The following NLGN3 variants were observed in gnomAD, a reference collection of about 807,000 sequenced individuals.
NLGN3 encodes the protein neuroligin 3.
NLGN3 carries 11 observed loss-of-function variants against 42.9 expected under a neutral mutation model. That is an observed-to-expected ratio of 0.26 (90% CI 0.16 to 0.42). NLGN3 has a LOEUF of 0.42. Among genes scored for constraint, NLGN3 ranks in the 10% least tolerant of loss-of-function variants. The pLI, the probability that NLGN3 is intolerant of heterozygous loss-of-function variation, is 1.00. For missense variants in NLGN3, 374 were observed against 733.8 expected, an observed-to-expected ratio of 0.51 and a Z score of 5.67; for synonymous variants, 279 against 312.7, an observed-to-expected ratio of 0.89 and a Z score of 1.14.
chrX:71,160,213 C>CTTTTTTTTT (rs754499358), intron 5 of NLGN3, among the ~76,000 whole-genome samples: 2 of 95,745 alleles, frequency 2.1e-5, no homozygotes, highest in African/African-American at 3.9e-5. Context: ...TTCTTTCTTT[C>CTTTTTTTTT]TTTTTTTTTT....
intron 1 of NLGN3, among the ~76,000 whole-genome samples, chrX:71,147,231 C>G (rs1026920377): frequency 8.9e-6 from 1 of 111,789 alleles, no homozygotes; most frequent in African/African-American, 3.3e-5. Context: ...CTCCCCACCC[C>G]CTGGCTGTCA....
chrX:71,164,375 T>G (rs1267131197), intron 6 of NLGN3, 47 bp downstream of exon 6: 3 of 1,149,705 alleles, frequency 2.6e-6, no homozygotes, highest in Non-Finnish European at 3.5e-6. Context: ...GTGCCGGCTG[T>G]CCCAGCATGC....
At chrX:71,145,698 T>C (rs1435332494) in intron 1 of NLGN3, among the ~76,000 whole-genome samples, 2 of 107,089 alleles carry the variant, frequency 1.9e-5, no homozygotes, top group Admixed American at 1.0e-4. Context: ...CTGCAGGGAA[T>C]TGACTCAAAG....
chrX:71,174,968 C>T (rs1019037840), downstream of NLGN3, among the ~76,000 whole-genome samples: 1 of 112,007 alleles, frequency 8.9e-6, no homozygotes, highest in Non-Finnish European at 1.9e-5. Context: ...ACTAAGAGTA[C>T]AACTTTCAGA....
At chrX:71,150,236 G>C (rs577478116) in intron 3 of NLGN3, among the ~76,000 whole-genome samples, 8 of 111,715 alleles carry the variant, frequency 7.2e-5, no homozygotes, top group African/African-American at 2.6e-4. Flanking sequence ...AAAGAGTACA[G>C]GTCTGGGAAG....
At chrX:71,172,779 T>C (rs1371787470), downstream of NLGN3, among the ~76,000 whole-genome samples, 3 of 111,051 alleles carry the variant, frequency 2.7e-5, no homozygotes, top group Admixed American at 9.7e-5. Context: ...GCTGATGACC[T>C]GTTCTCCGTT....
intron 6 of NLGN3, among the ~76,000 whole-genome samples, chrX:71,166,803 G>A (rs2092448762): frequency 1.8e-5 from 2 of 111,728 alleles, no homozygotes; most frequent in South Asian, 3.7e-4. Context: ...ACCAGCCATC[G>A]CACCAGGACA....
At chrX:71,162,520 C>T (rs2092433899) in intron 5 of NLGN3, among the ~76,000 whole-genome samples, 1 of 112,176 alleles carries the variant, frequency 8.9e-6, no homozygotes, top group South Asian at 3.7e-4. Context: ...GCAAGGGTTC[C>T]TTCTTCATCC....
chrX:71,169,802 G>C lies in NLGN3; in HGVS notation c.2252G>C (p.Gly751Ala), dbSNP rs2092464282. ...LRQPSPQRGA[G>A]APELGAAPEE... is the part of the protein sequence containing the mutation. ...CAGCCTAGCCCTCAGCGGGGAGCCG[G>C]GGCCCCGGAGTTGGGAGCTGCTCCA... Residue 751 changes from glycine (G) to alanine (A), a missense_variant, in exon 8 of 8, where the codon GGG becomes GCG. By Grantham distance (60) the Gly-to-Ala change is moderately conservative. Coordinates refer to ENST00000358741, the MANE Select transcript of NLGN3 (RefSeq NM_181303.2). 8.3e-7 allele frequency: 1 copy of C among 1,208,063 alleles called. No individual in the cohort carries two copies. Among genetic ancestry groups the C allele is most frequent in the Non-Finnish European group, 1.1e-6 (1 of 893,600 alleles).
rs1270756275 is a variant in NLGN3, at chrX:71,171,080, T to G, written c.*983T>G. ...GCGGTGTTTTTTGTTGTTGTTGGTT[T>G]TTTTTTTTTTTTAAAGAAAAGTTCT... On this transcript the variant is annotated 3_prime_UTR_variant, in exon 8 of 8. Coordinates refer to ENST00000358741, the MANE Select transcript of NLGN3 (RefSeq NM_181303.2). 2.6e-5 allele frequency: 19 copies of G among 725,491 alleles called. No individual in the cohort carries two copies. Among genetic ancestry groups the G allele is most frequent in the Middle Eastern group, 7.7e-4 (1 of 1,307 alleles). 59.8% of individuals were successfully genotyped at this position (725,491 alleles called of 1,213,427 possible). A position where few individuals can be genotyped will look rare whatever the true frequency, so the allele number is the denominator to read the frequency against.
chrX:71,159,642 G>A (rs1473798577), intron 5 of NLGN3, among the ~76,000 whole-genome samples: 1 of 111,441 alleles, frequency 9.0e-6, no homozygotes, highest in Non-Finnish European at 1.9e-5. Context: ...ATTGGATGCC[G>A]GGTACATATA....
rs1247087777 is a variant in NLGN3, at chrX:71,153,521, G to A, written c.562G>A (p.Gly188Arg). ...GGGCGAGGACTTAGCGGATAATGAC[G>A]GGGATGAAGATGAAGGTATTTGGGG... is the stretch of plus-strand genomic sequence containing the variant. ...KQGEDLADND[G>R]DEDEDIRDSG... The change falls in exon 4 of 8, where the codon GGG becomes AGG. Residue 188 changes from glycine (G) to arginine (R), a missense_variant. Gly to Arg is a moderately radical substitution (Grantham distance 125, BLOSUM62 -2). Around this residue, in one of 6 missense-constraint regions of NLGN3, gnomAD observed 109 missense variants for 173.3 expected, o/e 0.63. Transcript: ENST00000358741. The A allele has an allele frequency of 8.3e-7, 1 of 1,209,028 alleles. No individual in the cohort carries two copies. Among genetic ancestry groups the A allele is most frequent in the Non-Finnish European group, 1.1e-6 (1 of 893,857 alleles).
chrX:71,169,920 C>A lies in NLGN3; in HGVS notation c.2370C>A (p.Pro790=). 8.3e-7 allele frequency: 1 copy of A among 1,202,018 alleles called. No individual in the cohort carries two copies. The highest frequency in any genetic ancestry group is 1.1e-6 in the Non-Finnish European group (1 of 890,684). ...ACACGCTGCGCCTCACTGCATTGCC[C>A]GACTACACCCTGACCCTGCGGCGCT... The part of the protein sequence containing the change: ...PHDTLRLTAL[P]DYTLTLRRSP... The change falls in exon 8 of 8, where the codon CCC becomes CCA. Residue 790 remains proline (P), a synonymous_variant. Coordinates refer to ENST00000358741, the MANE Select transcript of NLGN3 (RefSeq NM_181303.2).
At chrX:71,165,793 C>T (rs969150644) in intron 6 of NLGN3, among the ~76,000 whole-genome samples, 4 of 111,729 alleles carry the variant, frequency 3.6e-5, no homozygotes, top group Admixed American at 2.8e-4. Flanking sequence ...CTCGGCCTCC[C>T]AAAGTGCTGG....
At position 71,155,201 on chromosome X, in the gene NLGN3, C is replaced by T. The variant is rs770691464; in HGVS notation, c.578-13C>T. On this transcript the variant is annotated splice_polypyrimidine_tract_variant and intron_variant, in intron 4 of 7. Coordinates refer to ENST00000358741, the MANE Select transcript of NLGN3 (RefSeq NM_181303.2). ...ATCCCACCCAGCCTGTGTCTCACCC[C>T]TTCTCCTTGCAGACATCCGGGACAG... is the stretch of plus-strand genomic sequence containing the variant. 33 of 1,210,322 alleles carry T rather than the reference C, an allele frequency of 2.7e-5. No individual in the cohort carries two copies. In the Admixed American group the frequency reaches 6.7e-4, roughly 25 times the overall value.
chrX:71,146,190 C>CACAG (rs2092369249), intron 1 of NLGN3, among the ~76,000 whole-genome samples: 1 of 94,195 alleles, frequency 1.1e-5, no homozygotes, highest in Non-Finnish European at 2.1e-5. Flanking sequence ...CACACACACA[C>CACAG]ACACACACAC....
At chrX:71,168,743 AAGAG>A (rs1465493058) in intron 7 of NLGN3, among the ~76,000 whole-genome samples, 7 of 103,466 alleles carry the variant, frequency 6.8e-5, no homozygotes, top group African/African-American at 1.4e-4. Flanking sequence ...AAGAAAAAAA[AAGAG>A]AGAAAGAAAG....
intron 5 of NLGN3, among the ~76,000 whole-genome samples, chrX:71,158,057 C>CT (rs892525960): frequency 5.6e-5 from 6 of 107,969 alleles, no homozygotes; most frequent in Non-Finnish European, 1.2e-4. Flanking sequence ...TGCACACTTT[C>CT]TTTTTTTAAT....
chrX:71,150,595 G>A (rs1247386581), intron 3 of NLGN3, among the ~76,000 whole-genome samples: 1 of 108,800 alleles, frequency 9.2e-6, no homozygotes, highest in East Asian at 2.9e-4. Flanking sequence ...CCGGCTACTC[G>A]GGAGGTTGAG....
Sources: allele counts gnomAD v4.1 joint callset (sites outside exome capture counted in the v4.1 genomes callset), GRCh38; gene constraint gnomAD v4.1.1; regional missense constraint gnomAD v4.1.1; transcripts MANE v1.5; gene names NCBI Gene and HGNC (gene_info 2026-07-23, HGNC 2026-07-21).